The following GALNT18 variants were observed in gnomAD, a reference collection of about 807,000 sequenced individuals.
GALNT18 encodes the protein GalNAc-transferase 18.
Under a neutral mutation model 69.5 loss-of-function variants are expected in GALNT18, and 44 were observed. The observed-to-expected ratio is 0.63, with a 90% CI of 0.50 to 0.81. The LOEUF is 0.81. Ranked by LOEUF, GALNT18 falls within the 40% of genes least tolerant of loss-of-function variation. The pLI is 0.00. For missense variants in GALNT18, 715 were observed against 810.0 expected, an observed-to-expected ratio of 0.88 and a Z score of 1.42; for synonymous variants, 364 against 318.2, an observed-to-expected ratio of 1.14 and a Z score of -1.53.
At chr11:11,323,170 C>T (rs764656994) in intron 9 of GALNT18, among the ~76,000 whole-genome samples, 19 of 152,316 alleles carry the variant, frequency 1.2e-4, no homozygotes, top group Non-Finnish European at 2.5e-4. Context: ...TCCATCCCAA[C>T]AGCCCCAAAG....
At chr11:11,472,819 G>T (rs1364980412) in intron 1 of GALNT18, among the ~76,000 whole-genome samples, 2 of 152,064 alleles carry the variant, frequency 1.3e-5, no homozygotes, top group African/African-American at 2.4e-5. Context: ...GAAACTCAAA[G>T]AAATGTCTTA....
chr11:11,589,450 A>G (rs140580451), intron 1 of GALNT18, among the ~76,000 whole-genome samples: 15 of 152,134 alleles, frequency 9.9e-5, no homozygotes, highest in African/African-American at 3.6e-4. Flanking sequence ...CCGTATTGCT[A>G]AAAATGACTC....
Position 11,337,804 on chromosome 11 carries a change from G to A in GALNT18, c.1278+3015C>T, listed in dbSNP as rs1034892530. ...GGGCAGTTCCCATAGTCCACGCAAC[G>A]TATGCAGACTTCAAAACAGGGAGTG... On this transcript the variant is annotated intron_variant, in intron 7 of 10. Coordinates refer to ENST00000227756, the MANE Select transcript of GALNT18 (RefSeq NM_198516.3). The surrounding 1 kb of genome is among the most constrained non-coding windows in gnomAD (Gnocchi z 4.9). Among the ~76,000 whole-genome samples the A allele has an allele frequency of 7.2e-5, 11 of 152,194 alleles. No homozygotes were observed. The highest frequency in any genetic ancestry group is 3.4e-3 in the Middle Eastern group (1 of 294).
At position 11,496,692 on chromosome 11, in the gene GALNT18, C is replaced by T. The variant is rs528363505; in HGVS notation, c.236-47756G>A. Among the ~76,000 whole-genome samples, 1 of 152,284 alleles carries T rather than the reference C, an allele frequency of 6.6e-6. No homozygotes were observed. Among genetic ancestry groups the T allele is most frequent in the South Asian group, 2.1e-4 (1 of 4,826 alleles). On this transcript the variant is annotated intron_variant, in intron 1 of 10. Coordinates refer to ENST00000227756, the MANE Select transcript of GALNT18 (RefSeq NM_198516.3). This position sits in a 1 kb window ranked among gnomAD's most constrained non-coding sequence, Gnocchi z 4.0. ...CTGCAGGGCAAGCTGATGGGAAACA[C>T]TGAGCCTCGGTTTCCTTGTGAGGAT...
rs35098060 is a variant in GALNT18 at position 11,435,998 on chromosome 11, G to C, written c.429-3211C>G. On this transcript the variant is annotated intron_variant, in intron 2 of 10. Coordinates refer to ENST00000227756, the MANE Select transcript of GALNT18 (RefSeq NM_198516.3). The surrounding 1 kb of genome is among the most constrained non-coding windows in gnomAD (Gnocchi z 4.4). The stretch of plus-strand genomic sequence containing the variant: ...TCCTGGCGACAGCCATGCTGCCGCT[G>C]TGGCCTCTCTCTCGGCATCAGGAGA... Among the ~76,000 whole-genome samples, 23,789 of 152,286 alleles carry C rather than the reference G, an allele frequency of 0.16. 2,075 individuals carry two copies. The highest frequency in any genetic ancestry group is 0.2 in the Non-Finnish European group (13,320 of 68,024).
At chr11:11,519,123 G>A (rs1471943210) in intron 1 of GALNT18, among the ~76,000 whole-genome samples, 1 of 152,206 alleles carries the variant, frequency 6.6e-6, no homozygotes, top group African/African-American at 2.4e-5. Flanking sequence ...GATGAGGGAG[G>A]CTGCAATCTA....
At chr11:11,343,832 T>G (rs1487648203) in intron 6 of GALNT18, among the ~76,000 whole-genome samples, 9 of 152,056 alleles carry the variant, frequency 5.9e-5, no homozygotes, top group South Asian at 4.2e-4. Flanking sequence ...CACCTTAGAG[T>G]GGGCACATCT....
chr11:11,560,536 C>T (rs1348772326), intron 1 of GALNT18, among the ~76,000 whole-genome samples: 1 of 152,176 alleles, frequency 6.6e-6, no homozygotes, highest in Non-Finnish European at 1.5e-5. Flanking sequence ...CTCTCTGAGT[C>T]CTGCCTATGG....
chr11:11,368,133 A>G (rs954858978), intron 6 of GALNT18, among the ~76,000 whole-genome samples: 18 of 152,222 alleles, frequency 1.2e-4, no homozygotes, highest in African/African-American at 4.3e-4. Context: ...AAGACATTAT[A>G]TCATAATCTT....
chr11:11,494,921 GAGTTATA>G lies in GALNT18; in HGVS notation c.236-45992_236-45986del, dbSNP rs1856841406. Among the ~76,000 whole-genome samples, 1 of 152,036 alleles carries G rather than the reference GAGTTATA, an allele frequency of 6.6e-6. No homozygotes were observed. Among genetic ancestry groups the G allele is most frequent in the Admixed American group, 6.6e-5 (1 of 15,250 alleles). ...CACCAAAGGAAAATGCAATAACATG[GAGTTATA>G]AGCCAATCACATGCTCTGTGATTTG... is the stretch of plus-strand genomic sequence containing the variant. On this transcript the variant is annotated intron_variant, in intron 1 of 10. Coordinates refer to ENST00000227756, the MANE Select transcript of GALNT18 (RefSeq NM_198516.3). This position sits in a 1 kb window ranked among gnomAD's most constrained non-coding sequence, Gnocchi z 5.7.
chr11:11,608,339 G>C (rs1293330450), intron 1 of GALNT18, among the ~76,000 whole-genome samples: 1 of 152,020 alleles, frequency 6.6e-6, no homozygotes, highest in Non-Finnish European at 1.5e-5. Flanking sequence ...CACAGGGTGG[G>C]GGTGCTCGCC....
chr11:11,284,062 A>G (rs1392772205), intron 10 of GALNT18, among the ~76,000 whole-genome samples: 1 of 152,234 alleles, frequency 6.6e-6, no homozygotes, highest in Non-Finnish European at 1.5e-5. Flanking sequence ...AAAATGGCTG[A>G]GCCACTCTGG....
chr11:11,419,453 C>T lies in GALNT18; in HGVS notation c.595+13168G>A, dbSNP rs182062638. On this transcript the variant is annotated intron_variant, in intron 3 of 10. Transcript: ENST00000227756. ...CTCTACTAAAAATACAAAAATTAGC[C>T]AGGCATGGTAGCGCACGCCTGTAAT... is the stretch of plus-strand genomic sequence containing the variant. Among the ~76,000 whole-genome samples the T allele has an allele frequency of 2.3e-3, 342 of 151,832 alleles. 3 individuals carry two copies. Among genetic ancestry groups the T allele is most frequent in the African/African-American group, 7.9e-3 (328 of 41,420 alleles).
At chr11:11,312,873 G>C (rs2133031352) in intron 9 of GALNT18, among the ~76,000 whole-genome samples, 1 of 152,286 alleles carries the variant, frequency 6.6e-6, no homozygotes, top group South Asian at 2.1e-4. Flanking sequence ...CGGTGCACTA[G>C]GAACAAGGGG....
chr11:11,274,925 ATT>A, intron 10 of GALNT18, among the ~76,000 whole-genome samples: 1 of 152,298 alleles, frequency 6.6e-6, no homozygotes, highest in South Asian at 2.1e-4. Context: ...TATGTGACAC[ATT>A]TTGTTTATCC....
intron 6 of GALNT18, among the ~76,000 whole-genome samples, chr11:11,348,855 C>T (rs1453581776): frequency 6.6e-6 from 1 of 152,162 alleles, no homozygotes; most frequent in Non-Finnish European, 1.5e-5. Context: ...ACCTGTAAGT[C>T]CTCTTGCACA....
rs1237805653 is a variant in GALNT18, at chr11:11,415,944, C to T, written c.595+16677G>A. On this transcript the variant is annotated intron_variant, in intron 3 of 10. Coordinates refer to ENST00000227756, the MANE Select transcript of GALNT18 (RefSeq NM_198516.3). The surrounding 1 kb of genome is among the most constrained non-coding windows in gnomAD (Gnocchi z 4.1). ...GGGAACTCACTCCAGAAAGATTAAACAGCAACCTTGAATGTTCTTTTCGGA... is the reference window on the plus strand; with the variant it reads ...GGGAACTCACTCCAGAAAGATTAAATAGCAACCTTGAATGTTCTTTTCGGA... 6.6e-6 allele frequency among the ~76,000 whole-genome samples: 1 copy of T among 152,246 alleles called. No homozygotes were observed. The highest frequency in any genetic ancestry group is 1.5e-5 in the Non-Finnish European group (1 of 68,042).
chr11:11,386,539 T>C (rs1330916489), intron 3 of GALNT18, among the ~76,000 whole-genome samples: 1 of 152,248 alleles, frequency 6.6e-6, no homozygotes, highest in African/African-American at 2.4e-5. Context: ...ATAATGTGTA[T>C]GGATGTGTGT....
chr11:11,597,437 T>A (rs1031830059), intron 1 of GALNT18, among the ~76,000 whole-genome samples: 1 of 152,144 alleles, frequency 6.6e-6, no homozygotes, highest in Non-Finnish European at 1.5e-5. Flanking sequence ...TTTGGGAGAA[T>A]TTTTTAAATC....
Sources: allele counts gnomAD v4.1 joint callset (sites outside exome capture counted in the v4.1 genomes callset), GRCh38; gene constraint gnomAD v4.1.1; non-coding constraint Gnocchi (gnomAD v3.1); transcripts MANE v1.5; gene names NCBI Gene and HGNC (gene_info 2026-07-23, HGNC 2026-07-21).